The following ZRANB1 variants were observed in gnomAD, a reference collection of about 807,000 sequenced individuals.
ZRANB1 encodes ubiquitin thioesterase ZRANB1.
Under a neutral mutation model 80.5 loss-of-function variants are expected in ZRANB1, and 16 were observed. That is an observed-to-expected ratio of 0.20 (90% CI 0.13 to 0.30). The LOEUF is 0.30. Ranked by LOEUF, ZRANB1 falls within the 10% of genes least tolerant of loss-of-function variation. The pLI is 1.00. For missense variants in ZRANB1, 576 were observed against 862.6 expected, an observed-to-expected ratio of 0.67 and a Z score of 4.16; for synonymous variants, 291 against 293.1, an observed-to-expected ratio of 0.99 and a Z score of 0.07.
At chr10:124,936,189 C>T in the ZRANB1 span, among the ~76,000 whole-genome samples, 1 of 152,046 alleles carries the variant, frequency 6.6e-6, no homozygotes, top group African/African-American at 2.4e-5. Context: ...GTGTTTGTGA[C>T]AGGAAGGAGT....
upstream of ZRANB1, among the ~76,000 whole-genome samples, chr10:124,937,681 T>G (rs1951500280): frequency 6.6e-6 from 1 of 152,252 alleles, no homozygotes; most frequent in Non-Finnish European, 1.5e-5. Flanking sequence ...CCCCGCCTGC[T>G]ATTAGTACAT....
In ZRANB1 at chr10:124,983,379, CAG is replaced by C. The variant is rs1951958846; in HGVS notation, c.1678+76_1678+77del. 22 of 1,595,084 alleles carry C rather than the reference CAG, an allele frequency of 1.4e-5. No homozygotes were observed. The highest frequency in any genetic ancestry group is 3.4e-5 in the South Asian group (3 of 88,508). ...TCAGATGTCAGGAAGGAGCAGTGGA[CAG>C]GGGAATGTGAACAAGGGCAGTGAGG... On this transcript the variant is annotated intron_variant, in intron 7 of 8. Transcript: ENST00000359653. This position sits in a 1 kb window ranked among gnomAD's most constrained non-coding sequence, Gnocchi z 6.2.
At chr10:124,954,852 G>A (rs1186559672) in intron 1 of ZRANB1, among the ~76,000 whole-genome samples, 2 of 151,340 alleles carry the variant, frequency 1.3e-5, no homozygotes, top group Non-Finnish European at 2.9e-5. Context: ...CTAATTGGCC[G>A]GGCACGGTTT....
At chr10:124,925,922 A>G in the ZRANB1 span, among the ~76,000 whole-genome samples, 3 of 152,350 alleles carry the variant, frequency 2.0e-5, no homozygotes, top group East Asian at 5.8e-4. Flanking sequence ...CAAAACCTAG[A>G]TAGTATAGCC....
chr10:124,964,076 G>A (rs1407668887), intron 1 of ZRANB1, among the ~76,000 whole-genome samples: 2 of 152,224 alleles, frequency 1.3e-5, no homozygotes, highest in African/African-American at 4.8e-5. Context: ...TTAATGCAGA[G>A]CATGGAGTAG....
At chr10:124,958,926 C>T (rs1024450321) in intron 1 of ZRANB1, among the ~76,000 whole-genome samples, 3 of 152,182 alleles carry the variant, frequency 2.0e-5, no homozygotes, top group African/African-American at 4.8e-5. Context: ...TTTTTGGCCT[C>T]GGCCTCCCCA....
the ZRANB1 span, among the ~76,000 whole-genome samples, chr10:124,920,067 C>T: frequency 3.9e-5 from 6 of 151,982 alleles, no homozygotes; most frequent in Middle Eastern, 3.4e-3. Context: ...GGATTACAGG[C>T]GCGTGCCACC....
Position 124,942,554 on chromosome 10 carries a change from G to A in ZRANB1, c.61G>A (p.Ala21Thr), listed in dbSNP as rs1951545542. Reference protein sequence around the residue: ...EYCTYENWPSAIKCTMCRAQR... With the variant: ...EYCTYENWPSTIKCTMCRAQR... ...TTGTACGTATGAAAACTGGCCATCT[G>A]CAATCAAGTGTACTATGTGTCGTGC... The change falls in exon 1 of 9, where the codon GCA becomes ACA. Residue 21 changes from alanine to threonine, a missense_variant. This residue lies in a region of ZRANB1 where 411 missense variants were observed against 583.1 expected (regional missense o/e 0.70). Transcript: ENST00000359653. The A allele has an allele frequency of 6.2e-7, 1 of 1,614,152 alleles. No individual in the cohort carries two copies. The highest frequency in any genetic ancestry group is 1.1e-5 in the South Asian group (1 of 91,084).
chr10:124,932,120 C>T, the ZRANB1 span, among the ~76,000 whole-genome samples: 160 of 152,204 alleles, frequency 1.1e-3, 1 homozygote, highest in Non-Finnish European at 2.0e-3. Context: ...AAGGTTCATC[C>T]ATGTCTTTCT....
chr10:124,958,719 G>A (rs1422413790), intron 1 of ZRANB1, among the ~76,000 whole-genome samples: 2 of 152,270 alleles, frequency 1.3e-5, no homozygotes, highest in South Asian at 2.1e-4. Context: ...AGTCCCTGTG[G>A]AGCTGTCTTT....
intron 1 of ZRANB1, among the ~76,000 whole-genome samples, chr10:124,948,030 C>G (rs1372114461): frequency 6.6e-6 from 1 of 152,068 alleles, no homozygotes; most frequent in Non-Finnish European, 1.5e-5. Context: ...TACTTTTGAC[C>G]CTTGAATAAC....
chr10:124,925,454 T>C, the ZRANB1 span, among the ~76,000 whole-genome samples: 24 of 152,338 alleles, frequency 1.6e-4, no homozygotes, highest in African/African-American at 5.8e-4. Context: ...TTTGTCTTTT[T>C]GTTGGTGATT....
the ZRANB1 span, among the ~76,000 whole-genome samples, chr10:124,917,970 G>C: frequency 2.0e-5 from 3 of 152,260 alleles, no homozygotes; most frequent in Admixed American, 2.0e-4. Context: ...GTTAAGCCTG[G>C]AAGTTTGAAC....
intron 2 of ZRANB1, among the ~76,000 whole-genome samples, chr10:124,969,856 T>A (rs1454058160): frequency 6.6e-6 from 1 of 152,062 alleles, no homozygotes; most frequent in Non-Finnish European, 1.5e-5. Flanking sequence ...ACCATAAGGT[T>A]GAAGGAGGTG....
intron 2 of ZRANB1, among the ~76,000 whole-genome samples, chr10:124,968,821 A>G (rs911900395): frequency 8.5e-5 from 13 of 152,220 alleles, no homozygotes; most frequent in African/African-American, 3.1e-4. Flanking sequence ...GAGGAGTAAC[A>G]GTGGGATGAT....
Position 124,973,596 on chromosome 10 carries a change from G to A in ZRANB1, c.1157-49G>A, listed in dbSNP as rs368564559. 51 of 1,505,736 alleles carry A rather than the reference G, an allele frequency of 3.4e-5. No individual in the cohort carries two copies. In the African/African-American group the frequency reaches 5.5e-4, roughly 16 times the overall value. 93.3% of individuals were successfully genotyped at this position (1,505,736 alleles called of 1,614,324 possible). A position where few individuals can be genotyped will look rare whatever the true frequency, so the allele number is the denominator to read the frequency against. ...ATAAGTGTAATTAAGTATAAGTTAA[G>A]TGTAAGTTATGAAACAAAAGATCTT... On this transcript the variant is annotated intron_variant, in intron 3 of 8. Coordinates refer to ENST00000359653, the MANE Select transcript of ZRANB1 (RefSeq NM_017580.3).
At chr10:124,975,949 G>A (rs1951873102) in intron 5 of ZRANB1, among the ~76,000 whole-genome samples, 1 of 152,202 alleles carries the variant, frequency 6.6e-6, no homozygotes, top group African/African-American at 2.4e-5. Flanking sequence ...AGGTTGCAGC[G>A]AGCCAAGATC....
upstream of ZRANB1, among the ~76,000 whole-genome samples, chr10:124,940,846 A>G (rs966068629): frequency 1.3e-5 from 2 of 151,994 alleles, no homozygotes; most frequent in Non-Finnish European, 2.9e-5. Flanking sequence ...GCATGGTGGC[A>G]TGCACCTGTA....
chr10:124,930,521 C>T, the ZRANB1 span, among the ~76,000 whole-genome samples: 1 of 152,212 alleles, frequency 6.6e-6, no homozygotes, highest in African/African-American at 2.4e-5. Flanking sequence ...CTGCCTTGGC[C>T]TCCCAAAGTG....
Sources: gnomAD v4.1 joint callset for allele counts (sites outside exome capture counted in the v4.1 genomes callset) on GRCh38, gnomAD v4.1.1 for gene constraint, gnomAD v4.1.1 regional missense constraint, Gnocchi (gnomAD v3.1) non-coding constraint, MANE v1.5 for transcripts, NCBI Gene and HGNC (gene_info 2026-07-23, HGNC 2026-07-21) for gene names.